Variants in PTPRD observed in about 807,000 individuals in gnomAD.
PTPRD encodes receptor-type tyrosine-protein phosphatase delta.
In PTPRD, 34 loss-of-function variants were observed where a neutral mutation model predicts 214.5. That is an observed-to-expected ratio of 0.16 (90% CI 0.12 to 0.21). The LOEUF (loss-of-function observed/expected upper bound fraction) is 0.21, where lower values mean the gene tolerates loss of function less well. PTPRD is among the 10% of genes least tolerant of loss of function. PTPRD has a pLI of 1.00. For synonymous variants in PTPRD, 1,128 were observed against 845.7 expected (o/e 1.33, Z -5.79); for missense variants, 2,545 against 2,398.7 (o/e 1.06, Z -1.27).
At chr9:9,360,717 A>G (rs1409461855) in intron 9 of PTPRD, among the ~76,000 whole-genome samples, 1 of 151,168 alleles carries the variant, frequency 6.6e-6, no homozygotes, top group African/African-American at 2.4e-5. Context: ...TCATTGTATT[A>G]TATTTTCTAT....
chr9:9,786,611 A>G (rs1344635121), intron 5 of PTPRD, among the ~76,000 whole-genome samples: 1 of 152,174 alleles, frequency 6.6e-6, no homozygotes, highest in Non-Finnish European at 1.5e-5. Context: ...AATCACTTGC[A>G]GGTGGCTGGG....
intron 9 of PTPRD, among the ~76,000 whole-genome samples, chr9:9,281,398 C>G (rs1192060263): frequency 1.3e-5 from 2 of 151,154 alleles, no homozygotes; most frequent in African/African-American, 4.8e-5. Context: ...TAAAATTCAA[C>G]ATAAGAAACC....
intron 11 of PTPRD, among the ~76,000 whole-genome samples, chr9:9,011,024 A>T (rs1336355909): frequency 6.6e-6 from 1 of 152,198 alleles, no homozygotes; most frequent in Admixed American, 6.5e-5. Flanking sequence ...CATATGTAGC[A>T]TGCTCATAAT....
rs544653404 is a variant in PTPRD at position 9,921,266 on chromosome 9, T to C, written c.-368+17241A>G. Among the ~76,000 whole-genome samples the C allele has an allele frequency of 1.1e-3, 166 of 152,184 alleles. 5 individuals are homozygous for C. In the South Asian group the frequency reaches 0.033, roughly 31 times the overall value. ...ATATTTAAATAATTGTGAATTTCTA[T>C]AACATAAATGTCTGTGCACATAAGA... On this transcript the variant is annotated intron_variant, in intron 5 of 45. Transcript: ENST00000381196.
At chr9:10,434,224 C>T (rs2098702281) in intron 2 of PTPRD, among the ~76,000 whole-genome samples, 1 of 151,774 alleles carries the variant, frequency 6.6e-6, no homozygotes, top group Admixed American at 6.6e-5. Context: ...CCATATGCAT[C>T]ACTCAGTCTC....
At chr9:8,563,368 G>T (rs527277218) in intron 14 of PTPRD, among the ~76,000 whole-genome samples, 1 of 151,034 alleles carries the variant, frequency 6.6e-6, no homozygotes, top group African/African-American at 2.4e-5. Flanking sequence ...ATCTCAATAA[G>T]TATCTATACA....
At chr9:10,228,688 G>T (rs991405587) in intron 3 of PTPRD, among the ~76,000 whole-genome samples, 1 of 149,838 alleles carries the variant, frequency 6.7e-6, no homozygotes, top group Non-Finnish European at 1.5e-5. Flanking sequence ...AAAAGTAAAA[G>T]TAAATAAAGC....
chr9:8,697,897 T>C (rs2097960275), intron 12 of PTPRD, among the ~76,000 whole-genome samples: 1 of 152,116 alleles, frequency 6.6e-6, no homozygotes, highest in South Asian at 2.1e-4. Flanking sequence ...GTCATTTAAA[T>C]AACATATCCC....
intron 11 of PTPRD, among the ~76,000 whole-genome samples, chr9:9,011,131 G>A (rs192097780): frequency 6.6e-6 from 1 of 152,128 alleles, no homozygotes; most frequent in Admixed American, 6.6e-5. Flanking sequence ...AGTCTGTAGG[G>A]GTGCTCAGAA....
chr9:8,453,720 G>C (rs1184659607), intron 33 of PTPRD, among the ~76,000 whole-genome samples: 2 of 152,142 alleles, frequency 1.3e-5, no homozygotes, highest in Non-Finnish European at 2.9e-5. Flanking sequence ...ACCTGGGAAG[G>C]CTTGTTAAAA....
intron 25 of PTPRD, 43 bp from the exon 26 acceptor site, chr9:8,497,311 G>C: frequency 1.3e-6 from 2 of 1,543,764 alleles, no homozygotes; most frequent in Non-Finnish European, 1.8e-6. Flanking sequence ...AAAATAAAAA[G>C]AAAAAGAATT....
rs774579667 is a variant in PTPRD, at chr9:9,789,796, C to CAAAAAAAA, written c.-367-22953_-367-22946dup. Among the ~76,000 whole-genome samples, 56 of 40,812 alleles carry CAAAAAAAA rather than the reference C, an allele frequency of 1.4e-3. 4 individuals are homozygous for CAAAAAAAA. The highest frequency in any genetic ancestry group is 2.7e-3 in the East Asian group (2 of 748). The allele number at this position is 40,812 out of a possible 152,430, so 26.8% of individuals were successfully genotyped here. On this transcript the variant is annotated intron_variant, in intron 5 of 45. Coordinates refer to ENST00000381196, the MANE Select transcript of PTPRD (RefSeq NM_002839.4). ...TGGGCAACAGAGCCAAACTCTGTCTCAAAAAAAAAAAAAAAAAAAAAAAAA... is the reference window on the plus strand; with the variant it reads ...TGGGCAACAGAGCCAAACTCTGTCTCAAAAAAAAAAAAAAAAAAAAAAAAAAAAAAAAA...
intron 23 of PTPRD, among the ~76,000 whole-genome samples, chr9:8,503,580 C>T (rs1172401457): frequency 6.6e-6 from 1 of 152,118 alleles, no homozygotes; most frequent in African/African-American, 2.4e-5. Context: ...CAATTAACCC[C>T]CATTGTGATA....
At chr9:10,011,667 A>G (rs2096602774) in intron 4 of PTPRD, among the ~76,000 whole-genome samples, 1 of 152,038 alleles carries the variant, frequency 6.6e-6, no homozygotes. Context: ...AAAAAAATAT[A>G]CATTGTAACA....
chr9:8,764,843 A>G (rs1270787770), intron 11 of PTPRD, among the ~76,000 whole-genome samples: 2 of 150,750 alleles, frequency 1.3e-5, no homozygotes, highest in African/African-American at 4.9e-5. Flanking sequence ...ATAGCAGCTT[A>G]TTTGATGGCA....
At chr9:10,463,598 T>A (rs1208404944) in intron 2 of PTPRD, among the ~76,000 whole-genome samples, 3 of 151,976 alleles carry the variant, frequency 2.0e-5, no homozygotes, top group African/African-American at 7.3e-5. Flanking sequence ...GGAAATAGTC[T>A]TAAATTTCAA....
At chr9:10,251,478 G>A (rs1255074457) in intron 3 of PTPRD, among the ~76,000 whole-genome samples, 1 of 151,382 alleles carries the variant, frequency 6.6e-6, no homozygotes, top group Non-Finnish European at 1.5e-5. Flanking sequence ...TCTTCATTTC[G>A]AGTTATGTGA....
At chr9:8,982,016 T>A (rs923593350) in intron 11 of PTPRD, among the ~76,000 whole-genome samples, 1 of 151,944 alleles carries the variant, frequency 6.6e-6, no homozygotes, top group Non-Finnish European at 1.5e-5. Flanking sequence ...AAAGTTAAGG[T>A]ATGGGTAAGA....
intron 5 of PTPRD, among the ~76,000 whole-genome samples, chr9:9,779,998 T>C (rs1291998916): frequency 6.6e-6 from 1 of 152,204 alleles, no homozygotes; most frequent in Non-Finnish European, 1.5e-5. Context: ...GAAGACGACA[T>C]GGAATCAGCC....
Sources: allele counts gnomAD v4.1 joint callset (sites outside exome capture counted in the v4.1 genomes callset), GRCh38; gene constraint gnomAD v4.1.1; transcripts MANE v1.5; gene names NCBI Gene and HGNC (gene_info 2026-07-23, HGNC 2026-07-21).